Variants in MTMR10 observed in about 807,000 individuals in gnomAD.
The protein encoded by MTMR10 is myotubularin related protein 10, also known as myotubularin-related protein 10.
Under a neutral mutation model 88.1 loss-of-function variants are expected in MTMR10, and 56 were observed. The observed-to-expected ratio is 0.64, with a 90% CI of 0.51 to 0.79. MTMR10 has a LOEUF of 0.79. Among genes scored for constraint, MTMR10 ranks in the 30% least tolerant of loss-of-function variants. The pLI, the probability that MTMR10 is intolerant of heterozygous loss-of-function variation, is 0.00. For missense variants in MTMR10, 883 were observed against 924.7 expected, an observed-to-expected ratio of 0.95 and a Z score of 0.58; for synonymous variants, 380 against 340.9, an observed-to-expected ratio of 1.11 and a Z score of -1.26.
the MTMR10 span, among the ~76,000 whole-genome samples, chr15:30,931,138 C>T: frequency 6.6e-6 from 1 of 152,182 alleles, no homozygotes; most frequent in Non-Finnish European, 1.5e-5. Context: ...GCTTAGTTCA[C>T]ATTGCATGCC....
At chr15:30,986,755 G>A (rs1413625247) in intron 2 of MTMR10, among the ~76,000 whole-genome samples, 1 of 152,184 alleles carries the variant, frequency 6.6e-6, no homozygotes, top group Non-Finnish European at 1.5e-5. Context: ...CAGTGATCCA[G>A]GTCACAGTCT....
intron 14 of MTMR10, chr15:30,944,046 T>G: frequency 3.1e-6 from 3 of 975,690 alleles, no homozygotes; most frequent in Non-Finnish European, 3.7e-6. Flanking sequence ...AAGAATTTAT[T>G]TGGAAATTAT....
chr15:30,980,327 T>C (rs2030482657), intron 2 of MTMR10, among the ~76,000 whole-genome samples: 1 of 152,054 alleles, frequency 6.6e-6, no homozygotes, highest in Non-Finnish European at 1.5e-5. Flanking sequence ...CAGCAGAAAG[T>C]AAATATGGAA....
At chr15:30,925,353 GA>G in the MTMR10 span, 1 of 1,476,472 alleles carries the variant, frequency 6.8e-7, no homozygotes. Context: ...TTTTGGACCA[GA>G]AGCATCCTAA....
chr15:30,927,293 C>CTT, the MTMR10 span: 4 of 985,390 alleles, frequency 4.1e-6, no homozygotes, highest in Non-Finnish European at 4.8e-6. Context: ...GGACGGAACA[C>CTT]TGACTGGAAA....
chr15:30,956,000 T>G (rs1331701618), intron 9 of MTMR10, among the ~76,000 whole-genome samples: 10 of 51,554 alleles, frequency 1.9e-4, no homozygotes, highest in Admixed American at 1.3e-3. Flanking sequence ...ACCCTGCTGT[T>G]GTTTTTTTTT....
chr15:30,945,682 G>A (rs1251225173), intron 14 of MTMR10, among the ~76,000 whole-genome samples: 1 of 152,344 alleles, frequency 6.6e-6, no homozygotes, highest in Non-Finnish European at 1.5e-5. Flanking sequence ...ATAAAAACAA[G>A]CAACTGGGAG....
intron 5 of MTMR10, among the ~76,000 whole-genome samples, chr15:30,971,884 G>C (rs2141043711): frequency 6.6e-6 from 1 of 152,200 alleles, no homozygotes; most frequent in East Asian, 1.9e-4. Flanking sequence ...GGATAATGAG[G>C]ATGAATATTA....
At chr15:30,925,990 G>C in the MTMR10 span, 1 of 1,592,956 alleles carries the variant, frequency 6.3e-7, no homozygotes, top group Admixed American at 1.7e-5. Flanking sequence ...TGGACGAGCA[G>C]CAGCACTGGA....
chr15:30,934,498 T>C (rs2062799869), downstream of MTMR10, among the ~76,000 whole-genome samples: 1 of 152,172 alleles, frequency 6.6e-6, no homozygotes, highest in South Asian at 2.1e-4. Flanking sequence ...GTCTTTTTCC[T>C]GAGTAGCTGG....
At chr15:30,973,617 C>T (rs930343082) in intron 5 of MTMR10, among the ~76,000 whole-genome samples, 9 of 152,130 alleles carry the variant, frequency 5.9e-5, no homozygotes, top group African/African-American at 1.7e-4. Context: ...CATACACACG[C>T]GCAAGCTTCC....
At chr15:30,954,428 T>TA (rs1416039607) in intron 10 of MTMR10, among the ~76,000 whole-genome samples, 1 of 152,232 alleles carries the variant, frequency 6.6e-6, no homozygotes, top group Non-Finnish European at 1.5e-5. Flanking sequence ...TCTCAAAGTA[T>TA]AACTGTATGT....
At chr15:30,948,862 A>C (rs2141001377) in intron 12 of MTMR10, 1 of 196,574 alleles carries the variant, frequency 5.1e-6, no homozygotes, top group African/African-American at 2.4e-5. Flanking sequence ...GGAGAGTGGG[A>C]CTGTTCACTA....
At position 30,955,479 on chromosome 15, in the gene MTMR10, C is replaced by T. The variant is rs543839215; in HGVS notation, c.936-586G>A. Among the ~76,000 whole-genome samples the T allele has an allele frequency of 3.3e-4, 50 of 152,244 alleles. 1 individual carries two copies. The highest frequency in any genetic ancestry group is 2.9e-3 in the South Asian group (14 of 4,818). On this transcript the variant is annotated intron_variant, in intron 9 of 15. Transcript: ENST00000435680. ...TAGAGGCGGGGTTTCACCATGTTGG[C>T]CAGGCTGGTCTCAAACTCCTGACCT...
At chr15:30,929,592 T>C in the MTMR10 span, among the ~76,000 whole-genome samples, 1 of 125,200 alleles carries the variant, frequency 8.0e-6, no homozygotes, top group Non-Finnish European at 1.6e-5. Context: ...TATTATATAT[T>C]ATATATTACA....
Position 30,944,496 on chromosome 15 carries a change from G to A in MTMR10, c.1549-1424C>T, listed in dbSNP as rs2063138302. 1.3e-5 allele frequency among the ~76,000 whole-genome samples: 2 copies of A among 151,120 alleles called. 1 individual carries two copies. Among genetic ancestry groups the A allele is most frequent in the South Asian group, 4.2e-4 (2 of 4,792 alleles). On this transcript the variant is annotated intron_variant, in intron 14 of 15. Transcript: ENST00000435680. ...CAGGAGAATCACCTGAACCTGGAAG[G>A]CAGAGGTTGCAGTGAGCCGAGATCA...
chr15:30,962,978 T>C (rs1432828834), intron 6 of MTMR10, among the ~76,000 whole-genome samples: 1 of 152,122 alleles, frequency 6.6e-6, no homozygotes, highest in Admixed American at 6.5e-5. Flanking sequence ...CTGTATAATA[T>C]CAAGTAACTA....
chr15:30,919,378 CAAAAAAAA>C, the MTMR10 span, among the ~76,000 whole-genome samples: 6 of 75,132 alleles, frequency 8.0e-5, no homozygotes, highest in South Asian at 4.8e-4. Flanking sequence ...AACTCCGTCT[CAAAAAAAA>C]AAAAAAAAAA....
At chr15:30,943,675 A>G (rs1051129008) in intron 14 of MTMR10, 8 of 985,322 alleles carry the variant, frequency 8.1e-6, no homozygotes, top group African/African-American at 3.5e-5. Flanking sequence ...CCTTCACAGG[A>G]GTCCACCTCT....
Sources: allele counts gnomAD v4.1 joint callset (sites outside exome capture counted in the v4.1 genomes callset), GRCh38; gene constraint gnomAD v4.1.1; transcripts MANE v1.5; gene names NCBI Gene and HGNC (gene_info 2026-07-23, HGNC 2026-07-21).